The following AKAP13 variants were observed in gnomAD, a reference collection of about 807,000 sequenced individuals.
AKAP13 encodes A-kinase anchoring protein 13, also known as A-kinase anchor protein 13.
A neutral mutation model predicts 264.5 loss-of-function variants in AKAP13; 80 were observed. The ratio of observed to expected loss-of-function variants is 0.30; its 90% confidence interval spans 0.25 to 0.36. The LOEUF is 0.36. Among genes scored for constraint, AKAP13 ranks in the 10% least tolerant of loss-of-function variants. AKAP13 has a pLI of 1.00. For missense variants in AKAP13, 3,712 were observed against 3,435.2 expected (o/e 1.08, Z -2.01); for synonymous variants, 1,380 against 1,250.2 (o/e 1.10, Z -2.19).
At chr15:85,437,722 A>G (rs2073380329) in intron 1 of AKAP13, among the ~76,000 whole-genome samples, 2 of 152,250 alleles carry the variant, frequency 1.3e-5, no homozygotes, top group Admixed American at 6.5e-5. Context: ...CAAAAACCAC[A>G]TGGTTATCTC....
At chr15:85,570,593 G>T (rs1050503441) in intron 5 of AKAP13, among the ~76,000 whole-genome samples, 6 of 152,212 alleles carry the variant, frequency 3.9e-5, no homozygotes, top group Admixed American at 3.9e-4. Context: ...CGTTCAGCAG[G>T]ATTTCTCGAT....
intron 31 of AKAP13, 37 bp downstream of exon 31, chr15:85,735,187 C>T (rs1399302345): frequency 8.1e-6 from 13 of 1,599,044 alleles, no homozygotes; most frequent in Non-Finnish European, 1.1e-5. Context: ...TATAGGCAAT[C>T]CTTGACTATC....
intron 17 of AKAP13, among the ~76,000 whole-genome samples, chr15:85,705,339 T>C (rs1004180766): frequency 1.3e-5 from 2 of 152,222 alleles, no homozygotes; most frequent in Non-Finnish European, 2.9e-5. Context: ...ATTCTGCCCA[T>C]AGTGTTCTTG....
intron 1 of AKAP13, among the ~76,000 whole-genome samples, chr15:85,434,488 C>G (rs939245275): frequency 1.1e-4 from 16 of 152,204 alleles, no homozygotes; most frequent in Admixed American, 9.8e-4. Context: ...GAAGGCCTGC[C>G]TGCCTCTGTA....
intron 8 of AKAP13, among the ~76,000 whole-genome samples, chr15:85,611,757 C>G (rs2080638590): frequency 6.6e-6 from 1 of 152,218 alleles, no homozygotes; most frequent in South Asian, 2.1e-4. Context: ...ACATGTTCAG[C>G]TGGGGCTGGC....
chr15:85,632,644 C>G (rs951280878), intron 8 of AKAP13, among the ~76,000 whole-genome samples: 2 of 152,110 alleles, frequency 1.3e-5, no homozygotes, highest in Non-Finnish European at 2.9e-5. Flanking sequence ...AGCATATTTA[C>G]TTAAAGATAT....
intron 5 of AKAP13, among the ~76,000 whole-genome samples, chr15:85,549,200 T>C (rs1364149708): frequency 6.6e-6 from 1 of 152,240 alleles, no homozygotes; most frequent in Non-Finnish European, 1.5e-5. Context: ...GTGTAATAGA[T>C]ACTACTTTAA....
Position 85,747,620 on chromosome 15 carries a change from T to C in AKAP13, c.*2943T>C, listed in dbSNP as rs2089408249. On this transcript the variant is annotated 3_prime_UTR_variant, in exon 37 of 37. Coordinates refer to ENST00000394518, the MANE Select transcript of AKAP13 (RefSeq NM_007200.5). The stretch of plus-strand genomic sequence containing the variant: ...TCAGTCGTTGTCGTTAGGTGACATG[T>C]GCACTTTAAATGCTCTCATCGGTTG... The C allele has an allele frequency of 6.6e-6, 1 of 152,662 alleles. No individual in the cohort carries two copies. The highest frequency in any genetic ancestry group is 2.1e-4 in the South Asian group (1 of 4,824). 9.5% of individuals were successfully genotyped at this position (152,662 alleles called of 1,614,324 possible).
chr15:85,725,145 A>G (rs1450787057), intron 26 of AKAP13, among the ~76,000 whole-genome samples: 1 of 152,186 alleles, frequency 6.6e-6, no homozygotes, highest in Non-Finnish European at 1.5e-5. Context: ...AGCTGTTGCA[A>G]TAAAGTTGTG....
At chr15:85,422,816 A>G (rs2072583571) in intron 1 of AKAP13, among the ~76,000 whole-genome samples, 1 of 152,202 alleles carries the variant, frequency 6.6e-6, no homozygotes, top group African/African-American at 2.4e-5. Flanking sequence ...GTTGTGAAAA[A>G]CAGTTGCATG....
At chr15:85,656,253 T>C (rs1414417823) in intron 11 of AKAP13, among the ~76,000 whole-genome samples, 2 of 152,222 alleles carry the variant, frequency 1.3e-5, no homozygotes, top group Non-Finnish European at 2.9e-5. Flanking sequence ...CTGTTTCTAA[T>C]ACAGAAAGTT....
chr15:85,659,576 C>T (rs531555560), intron 12 of AKAP13, among the ~76,000 whole-genome samples: 1 of 152,108 alleles, frequency 6.6e-6, no homozygotes, highest in East Asian at 1.9e-4. Flanking sequence ...TTAACCCCAT[C>T]TCTACTAAAT....
chr15:85,631,500 T>A (rs866627515), intron 8 of AKAP13, among the ~76,000 whole-genome samples: 1,707 of 79,770 alleles, frequency 0.021, 34 homozygotes, highest in African/African-American at 0.069. Context: ...TCTCTCTCTC[T>A]CTCACACACA....
chr15:85,455,291 G>A (rs956802416), intron 1 of AKAP13, among the ~76,000 whole-genome samples: 1 of 151,976 alleles, frequency 6.6e-6, no homozygotes, highest in Non-Finnish European at 1.5e-5. Context: ...GGGAAGAGTT[G>A]GCGTTGCCTG....
chr15:85,643,763 G>A (rs760811733), intron 9 of AKAP13, among the ~76,000 whole-genome samples: 123 of 152,318 alleles, frequency 8.1e-4, no homozygotes, highest in Admixed American at 1.8e-3. Flanking sequence ...GAACAGTACA[G>A]AGGGAATCTG....
intron 1 of AKAP13, among the ~76,000 whole-genome samples, chr15:85,407,308 A>C (rs1596070433): frequency 6.7e-6 from 1 of 149,542 alleles, no homozygotes; most frequent in Non-Finnish European, 1.5e-5. Flanking sequence ...GCTCACTGCA[A>C]CCTCCGCCTC....
Position 85,741,131 on chromosome 15 carries a change from C to T in AKAP13, c.7694C>T (p.Pro2565Leu), listed in dbSNP as rs774464272. 4 of 1,613,578 alleles carry T rather than the reference C, an allele frequency of 2.5e-6. No individual in the cohort carries two copies. Among genetic ancestry groups the T allele is most frequent in the African/African-American group, 1.3e-5 (1 of 75,036 alleles). ...ERALTRSLSR[P>L]SSLIEQEKQR... ...GCGCTCACTCGCAGCTTGTCCCGCC[C>T]GAGCTCCCTCATTGAGCAGGAGAAG... is the stretch of plus-strand genomic sequence containing the variant. Residue 2565 changes from proline (P) to leucine (L), a missense_variant, in exon 35 of 37, where the codon CCG becomes CTG. Physicochemically the swap from Pro to Leu is moderately conservative, Grantham distance 98. Transcript: ENST00000394518.
At chr15:85,447,653 A>G (rs1340520227) in intron 1 of AKAP13, among the ~76,000 whole-genome samples, 1 of 152,176 alleles carries the variant, frequency 6.6e-6, no homozygotes, top group Non-Finnish European at 1.5e-5. Flanking sequence ...TAATTTGCTG[A>G]GGATAATAGC....
chr15:85,556,559 C>T (rs556416627), intron 5 of AKAP13, among the ~76,000 whole-genome samples: 1 of 152,306 alleles, frequency 6.6e-6, no homozygotes, highest in East Asian at 1.9e-4. Context: ...TCTCACCCCT[C>T]CAAGAATAAA....
Sources: gnomAD v4.1 joint callset for allele counts (sites outside exome capture counted in the v4.1 genomes callset) on GRCh38, gnomAD v4.1.1 for gene constraint, MANE v1.5 for transcripts, NCBI Gene and HGNC (gene_info 2026-07-23, HGNC 2026-07-21) for gene names.